Variants in SPOCK3 observed in about 807,000 individuals in gnomAD.
SPOCK3 encodes testican-3.
Under a neutral mutation model 56.6 loss-of-function variants are expected in SPOCK3, and 30 were observed. The observed-to-expected ratio is 0.53, with a 90% CI of 0.40 to 0.72. The LOEUF (loss-of-function observed/expected upper bound fraction) is 0.72, where lower values mean the gene tolerates loss of function less well. Ranked by LOEUF, SPOCK3 falls within the 30% of genes least tolerant of loss-of-function variation. The probability of loss-of-function intolerance (pLI) is 0.00; values close to 1 mark genes in which losing one functional copy is unlikely to be tolerated. For synonymous variants in SPOCK3, 196 were observed against 183.3 expected, an observed-to-expected ratio of 1.07 and a Z score of -0.56; for missense variants, 527 against 530.0, an observed-to-expected ratio of 0.99 and a Z score of 0.06.
chr4:167,100,401 CTCTG>C (rs1047327878), intron 2 of SPOCK3, among the ~76,000 whole-genome samples: 6 of 151,480 alleles, frequency 4.0e-5, no homozygotes, highest in African/African-American at 1.5e-4. Context: ...CTGTGTCTGT[CTCTG>C]TCTCTCTCTC....
intron 2 of SPOCK3, among the ~76,000 whole-genome samples, chr4:167,136,452 G>A (rs797007700): frequency 2.2e-4 from 33 of 152,076 alleles, no homozygotes; most frequent in African/African-American, 5.8e-4. Flanking sequence ...GTACTCAAGT[G>A]GTCAACAGTG....
At chr4:166,951,310 G>A (rs1280869532) in intron 4 of SPOCK3, among the ~76,000 whole-genome samples, 7 of 137,202 alleles carry the variant, frequency 5.1e-5, no homozygotes, top group Admixed American at 7.0e-5. Context: ...ACACCTCTAC[G>A]CAAAAAAACT....
chr4:166,964,186 T>C (rs1261999810), intron 4 of SPOCK3, among the ~76,000 whole-genome samples: 1 of 151,786 alleles, frequency 6.6e-6, no homozygotes, highest in East Asian at 1.9e-4. Context: ...AAAGGTATTA[T>C]TTTCAAAATA....
chr4:167,182,361 T>G (rs530495056), intron 2 of SPOCK3, among the ~76,000 whole-genome samples: 2 of 146,228 alleles, frequency 1.4e-5, no homozygotes, highest in Non-Finnish European at 3.0e-5. Context: ...CACATTTATA[T>G]ATGAATAAAA....
intron 2 of SPOCK3, among the ~76,000 whole-genome samples, chr4:167,205,575 A>T (rs1193081443): frequency 1.0e-4 from 9 of 86,192 alleles, no homozygotes; most frequent in African/African-American, 2.3e-4. Context: ...TTATATATAT[A>T]ATATAATATA....
chr4:167,184,142 AG>A (rs1352930407), intron 2 of SPOCK3, among the ~76,000 whole-genome samples: 16 of 152,204 alleles, frequency 1.1e-4, no homozygotes, highest in African/African-American at 3.6e-4. Flanking sequence ...TTCAATATTG[AG>A]GGACTTTGAA....
At chr4:167,068,358 A>C (rs1429953492) in intron 2 of SPOCK3, among the ~76,000 whole-genome samples, 1 of 151,752 alleles carries the variant, frequency 6.6e-6, no homozygotes, top group African/African-American at 2.4e-5. Flanking sequence ...TAATGTTGTT[A>C]AGCTTTGTAA....
chr4:167,071,188 T>C (rs1580199487), intron 2 of SPOCK3, among the ~76,000 whole-genome samples: 1 of 151,952 alleles, frequency 6.6e-6, no homozygotes, highest in Non-Finnish European at 1.5e-5. Flanking sequence ...AATTCATTTA[T>C]GTCAGAGAAA....
At position 166,906,738 on chromosome 4, in the gene SPOCK3, A is replaced by T. The variant is rs190383910; in HGVS notation, c.474+5882T>A. Among the ~76,000 whole-genome samples, 3 of 152,116 alleles carry T rather than the reference A, an allele frequency of 2.0e-5. No homozygotes were observed. The East Asian group carries it at 5.8e-4, about 29-fold the overall frequency. On this transcript the variant is annotated intron_variant, in intron 5 of 10. Transcript: ENST00000357545. ...ACAACTCAATAAATTTAAAAGCCAC[A>T]TATTTTTATTTTTTAATTTTTTTTA...
chr4:166,763,111 T>C (rs1410597365), intron 7 of SPOCK3, among the ~76,000 whole-genome samples: 1 of 150,116 alleles, frequency 6.7e-6, no homozygotes, highest in Non-Finnish European at 1.5e-5. Flanking sequence ...ATAAACAAAT[T>C]GGTGAAAGCC....
chr4:167,194,518 C>G (rs1356643868), intron 2 of SPOCK3, among the ~76,000 whole-genome samples: 6 of 152,190 alleles, frequency 3.9e-5, no homozygotes, highest in African/African-American at 7.2e-5. Context: ...TCCACGTAGC[C>G]TTTCACTGGT....
intron 4 of SPOCK3, among the ~76,000 whole-genome samples, chr4:166,960,497 A>G (rs2150055429): frequency 6.6e-6 from 1 of 152,338 alleles, no homozygotes. Flanking sequence ...AAAATAATCA[A>G]TCTTAGCAGC....
At chr4:167,085,479 G>GA (rs1394551320) in intron 2 of SPOCK3, among the ~76,000 whole-genome samples, 2 of 152,060 alleles carry the variant, frequency 1.3e-5, no homozygotes, top group Non-Finnish European at 2.9e-5. Context: ...GGTGACTTTG[G>GA]AATCAAACAA....
At chr4:167,046,382 A>G (rs1753717984) in intron 3 of SPOCK3, among the ~76,000 whole-genome samples, 1 of 150,502 alleles carries the variant, frequency 6.6e-6, no homozygotes, top group Admixed American at 6.6e-5. Context: ...AAATTTTGAA[A>G]AATTATGTCA....
At chr4:167,115,590 T>A (rs1206353653) in intron 2 of SPOCK3, among the ~76,000 whole-genome samples, 1 of 152,034 alleles carries the variant, frequency 6.6e-6, no homozygotes, top group Admixed American at 6.6e-5. Flanking sequence ...ATGATTTTCA[T>A]GTTGGGGAAT....
At chr4:166,993,681 A>G (rs1748046688) in intron 4 of SPOCK3, among the ~76,000 whole-genome samples, 1 of 152,122 alleles carries the variant, frequency 6.6e-6, no homozygotes, top group Non-Finnish European at 1.5e-5. Flanking sequence ...TACTTTGTCT[A>G]TGGCAACCCA....
intron 6 of SPOCK3, among the ~76,000 whole-genome samples, chr4:166,825,508 C>G (rs1745366039): frequency 6.6e-6 from 1 of 152,130 alleles, no homozygotes; most frequent in South Asian, 2.1e-4. Context: ...AGTAAAACTA[C>G]CAGTCAATCT....
intron 2 of SPOCK3, among the ~76,000 whole-genome samples, chr4:167,112,848 T>TTTAA (rs1554038269): frequency 6.7e-6 from 1 of 149,490 alleles, no homozygotes; most frequent in Non-Finnish European, 1.5e-5. Context: ...TGCTCTTTTT[T>TTTAA]AAAAAAAAAA....
At chr4:167,026,587 T>C (rs189796388) in intron 3 of SPOCK3, among the ~76,000 whole-genome samples, 1,580 of 152,148 alleles carry the variant, frequency 0.01, 10 homozygotes, top group Non-Finnish European at 0.018. Context: ...ATAGTAGTAA[T>C]TGAATTATTA....
Sources: gnomAD v4.1 joint callset for allele counts (sites outside exome capture counted in the v4.1 genomes callset) on GRCh38, gnomAD v4.1.1 for gene constraint, MANE v1.5 for transcripts, NCBI Gene and HGNC (gene_info 2026-07-23, HGNC 2026-07-21) for gene names.